NEK11: variants seen among roughly 807,000 people sequenced by gnomAD.
NEK11 encodes NIMA related kinase 11, also known as serine/threonine-protein kinase Nek11.
Under a neutral mutation model 80.7 loss-of-function variants are expected in NEK11, and 72 were observed. The observed-to-expected ratio is 0.89, with a 90% CI of 0.74 to 1.08. The LOEUF (loss-of-function observed/expected upper bound fraction) is 1.08. NEK11 is among the 50% of genes least tolerant of loss of function. The pLI, the probability that NEK11 is intolerant of heterozygous loss-of-function variation, is 0.00. For missense variants in NEK11, 764 were observed against 763.6 expected (o/e 1.00, Z -0.01); for synonymous variants, 251 against 260.7 (o/e 0.96, Z 0.36).
chr3:131,240,457 C>T (rs1457202200), intron 15 of NEK11, among the ~76,000 whole-genome samples: 3 of 152,136 alleles, frequency 2.0e-5, no homozygotes, highest in Admixed American at 6.6e-5. Context: ...GATTATTTTT[C>T]TCCAAATGGG....
intron 17 of NEK11, among the ~76,000 whole-genome samples, chr3:131,283,516 CTGTGTG>C (rs4044351): frequency 0.014 from 2,027 of 147,348 alleles, 51 homozygotes; most frequent in African/African-American, 0.046. Flanking sequence ...CAGGCTATTA[CTGTGTG>C]TGTGTGTGTG....
At chr3:131,232,369 C>T (rs1018789236) in intron 15 of NEK11, among the ~76,000 whole-genome samples, 8 of 152,184 alleles carry the variant, frequency 5.3e-5, no homozygotes, top group Admixed American at 6.5e-5. Context: ...CCTTGACTAT[C>T]ATTTTTCTCT....
chr3:131,314,092 T>A (rs1327607298), intron 17 of NEK11, among the ~76,000 whole-genome samples: 1 of 152,056 alleles, frequency 6.6e-6, no homozygotes, highest in African/African-American at 2.4e-5. Context: ...TCCAGAAATA[T>A]CTCATTGCTT....
intron 16 of NEK11, among the ~76,000 whole-genome samples, chr3:131,257,413 T>G (rs2095836740): frequency 6.6e-6 from 1 of 152,064 alleles, no homozygotes; most frequent in African/African-American, 2.4e-5. Context: ...TCTCACAAAG[T>G]AAAAGATTCC....
intron 5 of NEK11, among the ~76,000 whole-genome samples, chr3:131,121,906 A>C (rs984573694): frequency 6.6e-6 from 1 of 152,194 alleles, no homozygotes; most frequent in Non-Finnish European, 1.5e-5. Context: ...TGACTAGGAA[A>C]GGGAATTCCC....
intron 5 of NEK11, among the ~76,000 whole-genome samples, chr3:131,128,672 A>G (rs2083809890): frequency 6.6e-6 from 1 of 152,214 alleles, no homozygotes; most frequent in Non-Finnish European, 1.5e-5. Context: ...ATAAATACCA[A>G]GGAACATGAT....
intron 17 of NEK11, among the ~76,000 whole-genome samples, chr3:131,336,188 T>G (rs902887946): frequency 6.6e-6 from 1 of 152,314 alleles, no homozygotes; most frequent in Admixed American, 6.5e-5. Context: ...AGAACAAAGC[T>G]GGAGGCATCA....
At chr3:131,142,289 T>C (rs559061383) in intron 7 of NEK11, among the ~76,000 whole-genome samples, 9 of 152,296 alleles carry the variant, frequency 5.9e-5, no homozygotes, top group Middle Eastern at 3.4e-3. Context: ...GCAATCAATC[T>C]ACCAGGGGAG....
At chr3:131,031,420 C>T (rs2064827370) in intron 3 of NEK11, among the ~76,000 whole-genome samples, 1 of 152,136 alleles carries the variant, frequency 6.6e-6, no homozygotes, top group African/African-American at 2.4e-5. Flanking sequence ...GAGAGTAAGA[C>T]CTAAACCAGA....
At chr3:131,315,195 C>T (rs1304615684) in intron 17 of NEK11, among the ~76,000 whole-genome samples, 2 of 151,888 alleles carry the variant, frequency 1.3e-5, no homozygotes, top group African/African-American at 4.8e-5. Context: ...CTCTAGTCTT[C>T]ATGTTGTATA....
At chr3:131,118,932 G>A (rs897027676) in intron 5 of NEK11, among the ~76,000 whole-genome samples, 3 of 151,974 alleles carry the variant, frequency 2.0e-5, no homozygotes, top group African/African-American at 7.2e-5. Flanking sequence ...CTCCTGGATT[G>A]ATTGATTTTT....
chr3:131,046,452 G>A (rs1353608033), intron 3 of NEK11, among the ~76,000 whole-genome samples: 4 of 151,984 alleles, frequency 2.6e-5, no homozygotes, highest in African/African-American at 9.7e-5. Context: ...CTTCTAGTAG[G>A]GTGTCTGCTG....
At chr3:131,192,432 T>G (rs1195791120) in intron 14 of NEK11, among the ~76,000 whole-genome samples, 1 of 152,154 alleles carries the variant, frequency 6.6e-6, no homozygotes, top group Non-Finnish European at 1.5e-5. Flanking sequence ...GTTCCACATG[T>G]GATTATATAC....
intron 3 of NEK11, among the ~76,000 whole-genome samples, chr3:131,053,094 C>T (rs2068722227): frequency 6.6e-6 from 1 of 152,042 alleles, no homozygotes; most frequent in Non-Finnish European, 1.5e-5. Flanking sequence ...ATACCATGGG[C>T]CCCATATTCA....
At chr3:131,164,787 T>C (rs1265168319) in intron 11 of NEK11, among the ~76,000 whole-genome samples, 1 of 152,210 alleles carries the variant, frequency 6.6e-6, no homozygotes. Flanking sequence ...AGCTAGAAAA[T>C]GACTCTATTG....
intron 14 of NEK11, among the ~76,000 whole-genome samples, chr3:131,207,261 G>A (rs1254170813): frequency 6.6e-6 from 1 of 152,160 alleles, no homozygotes; most frequent in Admixed American, 6.5e-5. Context: ...CACAATGGTT[G>A]AACTAGTTTA....
intron 15 of NEK11, among the ~76,000 whole-genome samples, chr3:131,235,556 G>T (rs2095416626): frequency 6.6e-6 from 1 of 152,130 alleles, no homozygotes; most frequent in African/African-American, 2.4e-5. Flanking sequence ...GGGGGCCATT[G>T]TTGGGGGTGC....
chr3:131,051,413 A>G (rs1400312328), intron 3 of NEK11, among the ~76,000 whole-genome samples: 1 of 152,228 alleles, frequency 6.6e-6, no homozygotes, highest in African/African-American at 2.4e-5. Context: ...AATATTTGCC[A>G]GGTCTAAAAT....
chr3:131,056,717 A>C (rs2069572689), intron 3 of NEK11, among the ~76,000 whole-genome samples: 1 of 152,092 alleles, frequency 6.6e-6, no homozygotes, highest in Non-Finnish European at 1.5e-5. Context: ...GAACAGAGAG[A>C]AACTTGCTCT....
Sources: allele counts gnomAD v4.1 joint callset (sites outside exome capture counted in the v4.1 genomes callset), GRCh38; gene constraint gnomAD v4.1.1; transcripts MANE v1.5; gene names NCBI Gene and HGNC (gene_info 2026-07-23, HGNC 2026-07-21).